NUMB: variants seen among roughly 807,000 people sequenced by gnomAD.
The protein encoded by NUMB is protein numb homolog.
Under a neutral mutation model 59.7 loss-of-function variants are expected in NUMB, and 29 were observed. The ratio of observed to expected loss-of-function variants is 0.49; its 90% confidence interval spans 0.36 to 0.66. The LOEUF is 0.66. Among genes scored for constraint, NUMB ranks in the 30% least tolerant of loss-of-function variants. The pLI is 0.00. For missense variants in NUMB, 723 were observed against 822.0 expected (o/e 0.88, Z 1.47); for synonymous variants, 288 against 288.2 (o/e 1.00, Z 0.01).
chr14:73,369,962 A>G (rs1317737762), intron 2 of NUMB, among the ~76,000 whole-genome samples: 3 of 152,202 alleles, frequency 2.0e-5, no homozygotes, highest in African/African-American at 7.2e-5. Flanking sequence ...ATTGAATTTT[A>G]TTAAAAAGAA....
At chr14:73,309,270 A>T (rs909746072) in intron 6 of NUMB, among the ~76,000 whole-genome samples, 4 of 152,234 alleles carry the variant, frequency 2.6e-5, no homozygotes, top group African/African-American at 9.7e-5. Flanking sequence ...ACACTTGCAC[A>T]TGTATGTTTA....
intron 12 of NUMB, 78 bp from the exon 13 acceptor site, chr14:73,277,371 G>T: frequency 8.7e-7 from 1 of 1,149,894 alleles, no homozygotes; most frequent in Non-Finnish European, 1.2e-6. Context: ...TTATTTGAAT[G>T]ATCCTAACAT....
intron 1 of NUMB, among the ~76,000 whole-genome samples, chr14:73,441,915 T>C (rs1435613103): frequency 1.3e-5 from 2 of 151,878 alleles, no homozygotes; most frequent in African/African-American, 2.4e-5. Flanking sequence ...GTAATAACAA[T>C]TGTTGGCGAC....
chr14:73,348,481 G>A (rs1338243037), intron 4 of NUMB, among the ~76,000 whole-genome samples: 1 of 152,228 alleles, frequency 6.6e-6, no homozygotes, highest in African/African-American at 2.4e-5. Flanking sequence ...GGTGAGCGGA[G>A]GGCGAGCAAG....
chr14:73,427,931 T>C (rs1254388163), intron 1 of NUMB, among the ~76,000 whole-genome samples: 1 of 152,184 alleles, frequency 6.6e-6, no homozygotes, highest in Non-Finnish European at 1.5e-5. Flanking sequence ...CTGACAGCCC[T>C]TGAAAAGTAC....
intron 2 of NUMB, among the ~76,000 whole-genome samples, chr14:73,381,207 G>A (rs1045953490): frequency 5.9e-5 from 9 of 151,724 alleles, no homozygotes; most frequent in African/African-American, 1.9e-4. Flanking sequence ...AATCAACCTC[G>A]GTACCTAATT....
At chr14:73,316,502 C>T (rs1205062661) in intron 5 of NUMB, 80 bp from the exon 6 acceptor site, 6 of 1,357,350 alleles carry the variant, frequency 4.4e-6, no homozygotes, top group Non-Finnish European at 6.3e-6. Context: ...TAAGCACATA[C>T]AGAAATTGGG....
rs556732854 is a variant in NUMB at position 73,295,703 on chromosome 14, AT to A, written c.309+1507del. Reference sequence around the variant, plus strand: ...TTTCTCCCCTTTCAGTGGCATTTGAATTTTTTTTTTTTAATTATCTTCTTGT... The same window carrying A: ...TTTCTCCCCTTTCAGTGGCATTTGAATTTTTTTTTTTAATTATCTTCTTGT... On this transcript the variant is annotated intron_variant, in intron 7 of 12. Transcript: ENST00000555238. Among the ~76,000 whole-genome samples, 769 of 148,382 alleles carry A rather than the reference AT, an allele frequency of 5.2e-3. 5 individuals carry two copies. Among genetic ancestry groups the A allele is most frequent in the African/African-American group, 0.017 (700 of 40,680 alleles).
chr14:73,317,707 C>A (rs1241185328), intron 5 of NUMB, among the ~76,000 whole-genome samples: 1 of 152,166 alleles, frequency 6.6e-6, no homozygotes, highest in Non-Finnish European at 1.5e-5. Flanking sequence ...CTATCAGCAC[C>A]AATTTTTAAG....
At chr14:73,419,144 T>A (rs1230281690) in intron 1 of NUMB, among the ~76,000 whole-genome samples, 1 of 152,114 alleles carries the variant, frequency 6.6e-6, no homozygotes, top group Non-Finnish European at 1.5e-5. Flanking sequence ...AAATAAAAAA[T>A]AAATTCCTAC....
chr14:73,296,233 G>A (rs1327651036), intron 7 of NUMB, among the ~76,000 whole-genome samples: 2 of 151,894 alleles, frequency 1.3e-5, no homozygotes, highest in Non-Finnish European at 2.9e-5. Flanking sequence ...ACTTGAGGTC[G>A]GAAGTTCAAG....
intron 4 of NUMB, among the ~76,000 whole-genome samples, chr14:73,328,360 CTA>C (rs1891776966): frequency 6.6e-6 from 1 of 151,856 alleles, no homozygotes; most frequent in Non-Finnish European, 1.5e-5. Flanking sequence ...GCATATATCA[CTA>C]TGTTTATCCA....
intron 12 of NUMB, among the ~76,000 whole-genome samples, chr14:73,278,057 A>AAG (rs1566722072): frequency 6.7e-6 from 1 of 149,304 alleles, no homozygotes. Flanking sequence ...AAAAAAAAAA[A>AAG]AAAAAAAAAA....
intron 1 of NUMB, among the ~76,000 whole-genome samples, chr14:73,454,078 G>A (rs184998498): frequency 3.3e-5 from 5 of 152,026 alleles, no homozygotes; most frequent in East Asian, 1.9e-4. Context: ...GGGGGGGAAC[G>A]GTTGAAGAAC....
intron 4 of NUMB, among the ~76,000 whole-genome samples, chr14:73,336,047 T>C (rs999096419): frequency 1.3e-5 from 2 of 152,128 alleles, no homozygotes; most frequent in African/African-American, 2.4e-5. Flanking sequence ...GAAAAAAATG[T>C]GAGATCCCAA....
At chr14:73,328,749 A>G (rs1178367263) in intron 4 of NUMB, among the ~76,000 whole-genome samples, 1 of 152,052 alleles carries the variant, frequency 6.6e-6, no homozygotes, top group Non-Finnish European at 1.5e-5. Flanking sequence ...AAATTTGTCT[A>G]TTCTTAAAAA....
At chr14:73,430,224 T>C (rs1187168531) in intron 1 of NUMB, among the ~76,000 whole-genome samples, 1 of 152,130 alleles carries the variant, frequency 6.6e-6, no homozygotes, top group Non-Finnish European at 1.5e-5. Context: ...GTTTTCATTT[T>C]ACTTGAATAA....
intron 2 of NUMB, among the ~76,000 whole-genome samples, chr14:73,388,494 G>A (rs1312241458): frequency 6.6e-6 from 1 of 151,998 alleles, no homozygotes; most frequent in African/African-American, 2.4e-5. Flanking sequence ...TATTTATATA[G>A]AATAAAGTTG....
At chr14:73,313,668 G>GAAAAAAAAAAAAAAAAAAAA (rs10582204) in intron 6 of NUMB, among the ~76,000 whole-genome samples, 20 of 124,096 alleles carry the variant, frequency 1.6e-4, no homozygotes, top group African/African-American at 4.8e-4. Flanking sequence ...TCCAAAATCT[G>GAAAAAAAAAAAAAAAAAAAA]AAAAAAAAAA....
Sources: gnomAD v4.1 joint callset for allele counts (sites outside exome capture counted in the v4.1 genomes callset) on GRCh38, gnomAD v4.1.1 for gene constraint, MANE v1.5 for transcripts, NCBI Gene and HGNC (gene_info 2026-07-23, HGNC 2026-07-21) for gene names.